The following FAM178B variants were observed in gnomAD, a reference collection of about 807,000 sequenced individuals.
The protein encoded by FAM178B is family with sequence similarity 178 member B, also known as protein FAM178B.
FAM178B carries 82 observed loss-of-function variants against 91.7 expected under a neutral mutation model. The observed-to-expected ratio is 0.89, with a 90% CI of 0.75 to 1.07. The LOEUF (loss-of-function observed/expected upper bound fraction) is 1.07, where lower values mean the gene tolerates loss of function less well. Ranked by LOEUF, FAM178B falls within the 50% of genes least tolerant of loss-of-function variation. The pLI is 0.00. For synonymous variants in FAM178B, 368 were observed against 359.4 expected, an observed-to-expected ratio of 1.02 and a Z score of -0.27; for missense variants, 769 against 846.7, an observed-to-expected ratio of 0.91 and a Z score of 1.14.
At chr2:96,926,472 T>C (rs1312708955) in intron 9 of FAM178B, among the ~76,000 whole-genome samples, 2 of 152,124 alleles carry the variant, frequency 1.3e-5, no homozygotes, top group African/African-American at 4.8e-5. Flanking sequence ...CCTAAAGACC[T>C]CCTTTGTGCT....
chr2:96,914,328 G>A (rs2081207241), intron 12 of FAM178B, among the ~76,000 whole-genome samples: 1 of 152,214 alleles, frequency 6.6e-6, no homozygotes, highest in Admixed American at 6.5e-5. Flanking sequence ...GAAGGGGGGA[G>A]TCTCCTACCA....
At position 96,971,980 on chromosome 2, in the gene FAM178B, T is replaced by A. The variant is rs1369846523; in HGVS notation, c.485A>T (p.Asp162Val). Reference sequence around the variant, plus strand: ...TGGCAAGGCCAGGCCCCTCTTCGGGTCCAAGTCCAGGTGTTCCTGCTCCAA... The same window carrying A: ...TGGCAAGGCCAGGCCCCTCTTCGGGACCAAGTCCAGGTGTTCCTGCTCCAA... ...EELEQEHLDL[D>V]PKRGLALPEK... The change falls in exon 3 of 17, where the codon GAC (aspartate) becomes GTC (valine). Residue 162 changes from aspartate to valine, a missense_variant. Asp to Val is a radical substitution (Grantham distance 152). Coordinates refer to ENST00000490605, the MANE Select transcript of FAM178B (RefSeq NM_001122646.3). 2.6e-6 allele frequency: 4 copies of A among 1,562,494 alleles called. No individual in the cohort carries two copies. The Admixed American group carries it at 5.8e-5, about 23-fold the overall frequency.
At chr2:96,972,513 A>AC (rs1344253967) in intron 2 of FAM178B, 25 bp downstream of exon 2, 185 of 1,550,732 alleles carry the variant, frequency 1.2e-4, no homozygotes, top group Non-Finnish European at 1.5e-4. Context: ...GTGGGGATTT[A>AC]CCTGTGCAGG....
chr2:96,919,154 A>G (rs1276240558), intron 12 of FAM178B, among the ~76,000 whole-genome samples: 2 of 152,216 alleles, frequency 1.3e-5, no homozygotes, highest in Non-Finnish European at 2.9e-5. Flanking sequence ...AGGAGACTAC[A>G]GTGGCACACA....
At chr2:96,917,008 C>A (rs1033855148) in intron 12 of FAM178B, among the ~76,000 whole-genome samples, 1 of 152,070 alleles carries the variant, frequency 6.6e-6, no homozygotes, top group African/African-American at 2.4e-5. Context: ...GTGAGTACAA[C>A]GCGGCAGGAA....
At chr2:96,948,768 G>A (rs530273540) in intron 7 of FAM178B, among the ~76,000 whole-genome samples, 45 of 152,314 alleles carry the variant, frequency 3.0e-4, no homozygotes, top group African/African-American at 8.7e-4. Context: ...CTTGACCTTG[G>A]AGGGAGCACC....
intron 5 of FAM178B, among the ~76,000 whole-genome samples, chr2:96,964,523 C>A (rs1319279766): frequency 6.6e-6 from 1 of 152,178 alleles, no homozygotes; most frequent in African/African-American, 2.4e-5. Context: ...GCTGGGGCCA[C>A]CTCCTCCCCT....
intron 4 of FAM178B, among the ~76,000 whole-genome samples, chr2:96,969,993 T>C (rs1574316568): frequency 6.6e-6 from 1 of 152,124 alleles, no homozygotes; most frequent in Non-Finnish European, 1.5e-5. Flanking sequence ...GCAAACACAA[T>C]GGACATGCAC....
intron 12 of FAM178B, among the ~76,000 whole-genome samples, chr2:96,905,842 A>ACG (rs1298660248): frequency 2.1e-4 from 6 of 28,002 alleles, no homozygotes; most frequent in Non-Finnish European, 3.5e-4. Flanking sequence ...ATATATATAT[A>ACG]TATATATATA....
At chr2:96,931,053 C>T (rs1424356241) in intron 8 of FAM178B, among the ~76,000 whole-genome samples, 1 of 152,188 alleles carries the variant, frequency 6.6e-6, no homozygotes, top group Non-Finnish European at 1.5e-5. Flanking sequence ...GTCATAGCAT[C>T]TCAAATGGAC....
In FAM178B at chr2:96,893,974, T is replaced by C; in HGVS notation, c.1728A>G (p.Pro576=). ...CCTTTGGCTGTTGCTCCTGGCAGGGTGGCAAGGGCACAGAGTCCAGGTATT... is the reference window on the plus strand; with the variant it reads ...CCTTTGGCTGTTGCTCCTGGCAGGGCGGCAAGGGCACAGAGTCCAGGTATT... The part of the protein sequence containing the change: ...LRQYLDSVPL[P]PCQEQQPKAS... Residue 576 remains proline, a synonymous_variant, in exon 14 of 17, where the codon CCA becomes CCG. Coordinates refer to ENST00000490605, the MANE Select transcript of FAM178B (RefSeq NM_001122646.3). 6.2e-7 allele frequency: 1 copy of C among 1,612,804 alleles called. No homozygotes were observed. Among genetic ancestry groups the C allele is most frequent in the South Asian group, 1.1e-5 (1 of 91,068 alleles).
chr2:96,961,189 A>G (rs183459290), intron 5 of FAM178B, among the ~76,000 whole-genome samples: 19 of 152,334 alleles, frequency 1.2e-4, no homozygotes, highest in Admixed American at 1.2e-3. Context: ...TTAATGACCC[A>G]TTGAAATGAG....
At chr2:96,965,140 C>G (rs987951128) in intron 5 of FAM178B, among the ~76,000 whole-genome samples, 3 of 152,138 alleles carry the variant, frequency 2.0e-5, no homozygotes, top group African/African-American at 7.2e-5. Flanking sequence ...GCTGGGATTA[C>G]AGGTACGCGT....
intron 14 of FAM178B, among the ~76,000 whole-genome samples, chr2:96,886,796 G>A (rs1038360991): frequency 3.3e-5 from 5 of 152,248 alleles, no homozygotes; most frequent in Admixed American, 2.6e-4. Flanking sequence ...CGTCTTCGGT[G>A]CACAGCTGGG....
rs145212575 is a variant in FAM178B at position 96,951,864 on chromosome 2, T to C, written c.888-380A>G. ...GGTGAAACGCTGTCTCTACTAAAAATACAAAAATTAGCCAGGCATGGTGGC... is the reference window on the plus strand; with the variant it reads ...GGTGAAACGCTGTCTCTACTAAAAACACAAAAATTAGCCAGGCATGGTGGC... On this transcript the variant is annotated intron_variant, in intron 6 of 16. Transcript: ENST00000490605. 867 of 168,932 alleles carry C rather than the reference T, an allele frequency of 5.1e-3. 7 individuals are homozygous for C. The highest frequency in any genetic ancestry group is 0.019 in the African/African-American group (784 of 41,820). 10.5% of individuals were successfully genotyped at this position (168,932 alleles called of 1,614,324 possible).
At chr2:96,961,671 G>A (rs1024615661) in intron 5 of FAM178B, among the ~76,000 whole-genome samples, 14 of 152,190 alleles carry the variant, frequency 9.2e-5, no homozygotes, top group African/African-American at 3.4e-4. Flanking sequence ...CCCAGGGGCA[G>A]AACAGCCCAG....
At chr2:96,950,797 C>T (rs1218693362) in intron 7 of FAM178B, among the ~76,000 whole-genome samples, 1 of 152,216 alleles carries the variant, frequency 6.6e-6, no homozygotes, top group South Asian at 2.1e-4. Flanking sequence ...ACAGCCAGAG[C>T]AGCCGTTCCA....
intron 12 of FAM178B, among the ~76,000 whole-genome samples, chr2:96,907,127 C>T (rs2081071770): frequency 1.3e-5 from 2 of 152,092 alleles, no homozygotes; most frequent in African/African-American, 4.8e-5. Context: ...AAAAGAAACC[C>T]ACATGTGAGT....
At chr2:96,985,094 C>T (rs1481490718) in intron 1 of FAM178B, among the ~76,000 whole-genome samples, 3 of 152,184 alleles carry the variant, frequency 2.0e-5, no homozygotes, top group African/African-American at 7.2e-5. Context: ...GGAAACCGAT[C>T]ATTCTAGTTG....
Sources: allele counts gnomAD v4.1 joint callset (sites outside exome capture counted in the v4.1 genomes callset), GRCh38; gene constraint gnomAD v4.1.1; transcripts MANE v1.5; gene names NCBI Gene and HGNC (gene_info 2026-07-23, HGNC 2026-07-21).